Variants in TREX1 observed in about 807,000 individuals in gnomAD.
TREX1 encodes three-prime repair exonuclease 1.
TREX1 carries 11 observed loss-of-function variants against 13.7 expected under a neutral mutation model. The observed-to-expected ratio is 0.80, with a 90% confidence interval of 0.51 to 1.33. The LOEUF (loss-of-function observed/expected upper bound fraction) is 1.33. TREX1 is among the 40% of genes most tolerant of loss of function. TREX1 has a pLI of 0.00. For synonymous variants in TREX1, 178 were observed against 178.8 expected, an observed-to-expected ratio of 1.00 and a Z score of 0.03; for missense variants, 409 against 404.4, an observed-to-expected ratio of 1.01 and a Z score of -0.10.
intron 1 of TREX1, 125 bp downstream of exon 1, chr3:48,466,434 GA>G: frequency 6.2e-7 from 1 of 1,612,016 alleles, no homozygotes; most frequent in Non-Finnish European, 8.5e-7. Context: ...TCAGACAGTC[GA>G]ATGTGCTGGT....
chr3:48,466,565 C>T (rs745638804), intron 1 of TREX1, 65 bp from the exon 2 acceptor site: 8 of 1,613,844 alleles, frequency 5.0e-6, no homozygotes, highest in Admixed American at 3.3e-5. Flanking sequence ...CACCCCCTAC[C>T]CCACTCCCTC....
In TREX1 at chr3:48,466,764, C is replaced by T. The variant is rs762407345; in HGVS notation, c.109C>T (p.Leu37=). The change falls in exon 2 of 2, where the codon CTG becomes TTG. Residue 37 remains leucine (L), a synonymous_variant. Transcript: ENST00000625293. ...SQPKVTELCL[L]AVHRCALESP... ...GCCCAAGGTCACGGAGCTGTGCCTG[C>T]TGGCTGTCCACAGATGTGCCCTGGA... 1 of 1,614,000 alleles carries T rather than the reference C, an allele frequency of 6.2e-7. No homozygotes were observed. Among genetic ancestry groups the T allele is most frequent in the Non-Finnish European group, 8.5e-7 (1 of 1,180,040 alleles).
In TREX1 at chr3:48,466,872, C is replaced by A; in HGVS notation, c.217C>A (p.Pro73Thr). 2.5e-6 allele frequency: 4 copies of A among 1,613,414 alleles called. No homozygotes were observed. The highest frequency in any genetic ancestry group is 3.4e-6 in the Non-Finnish European group (4 of 1,180,016). ...VVDKLSLCVA[P>T]GKACSPAASE... ...AGACAAGCTCTCCCTGTGTGTGGCT[C>A]CGGGGAAGGCCTGCAGCCCTGCAGC... is the stretch of plus-strand genomic sequence containing the variant. Residue 73 changes from proline to threonine, a missense_variant, in exon 2 of 2, where the codon CCG (proline) becomes ACG (threonine). By Grantham distance (38) the Pro-to-Thr change is conservative. Transcript: ENST00000625293.
intron 1 of TREX1, 150 bp from the exon 2 acceptor site, chr3:48,466,479 TC>T: frequency 3.1e-6 from 5 of 1,613,892 alleles, no homozygotes; most frequent in Non-Finnish European, 4.2e-6. Flanking sequence ...CTCTCCAACT[TC>T]CTGCCTGAAA....
intron 1 of TREX1, 106 bp downstream of exon 1, chr3:48,466,415 G>C: frequency 6.2e-7 from 1 of 1,604,612 alleles, no homozygotes; most frequent in Non-Finnish European, 8.5e-7. Context: ...TGTGAAGAGG[G>C]AGACCCTCTC....
In TREX1 at chr3:48,466,665, C is replaced by A. The variant is rs2040319464; in HGVS notation, c.10C>A (p.Gln4Lys). 1.2e-6 allele frequency: 2 copies of A among 1,613,938 alleles called. No individual in the cohort carries two copies. Among genetic ancestry groups the A allele is most frequent in the African/African-American group, 2.7e-5 (2 of 74,904 alleles). ...AGGTACGTACCCAACCATGGGCTCG[C>A]AGGCCCTGCCCCCGGGGCCCATGCA... MGS[Q>K]ALPPGPMQTL... The change falls in exon 2 of 2, where the codon CAG becomes AAG. Residue 4 changes from glutamine to lysine, a missense_variant. Coordinates refer to ENST00000625293, the MANE Select transcript of TREX1 (RefSeq NM_033629.6).
chr3:48,466,985 C>T lies in TREX1; in HGVS notation c.330C>T (p.Ala110=), dbSNP rs2040342805. The change falls in exon 2 of 2, where the codon GCC becomes GCT. Residue 110 remains alanine (A), a synonymous_variant. Coordinates refer to ENST00000625293, the MANE Select transcript of TREX1 (RefSeq NM_033629.6). ...ACAACCTGGCCAACCTGCTCCTAGCCTTCCTGCGGCGCCAGCCACAGCCCT... is the reference window on the plus strand; with the variant it reads ...ACAACCTGGCCAACCTGCTCCTAGCTTTCCTGCGGCGCCAGCCACAGCCCT... ...FDDNLANLLL[A]FLRRQPQPWC... is the part of the protein sequence containing the mutation. 2 of 1,613,184 alleles carry T rather than the reference C, an allele frequency of 1.2e-6. No homozygotes were observed. The highest frequency in any genetic ancestry group is 1.7e-6 in the Non-Finnish European group (2 of 1,180,048).
At position 48,466,846 on chromosome 3, in the gene TREX1, T is replaced by C. The variant is rs763056226; in HGVS notation, c.191T>C (p.Val64Ala). The change falls in exon 2 of 2, where the codon GTA becomes GCA. Residue 64 changes from valine (V) to alanine (A), a missense_variant. By Grantham distance (64) the Val-to-Ala change is moderately conservative. Transcript: ENST00000625293. ...ACAGTTCCTCCACCACCGCGTGTGG[T>C]AGACAAGCTCTCCCTGTGTGTGGCT... is the stretch of plus-strand genomic sequence containing the variant. ...PPTVPPPPRVVDKLSLCVAPG... is the reference protein window; with the variant it reads ...PPTVPPPPRVADKLSLCVAPG... 5 of 1,613,874 alleles carry C rather than the reference T, an allele frequency of 3.1e-6. No individual in the cohort carries two copies. Among genetic ancestry groups the C allele is most frequent in the Non-Finnish European group, 4.2e-6 (5 of 1,180,022 alleles).
Position 48,466,290 on chromosome 3 carries a change from C to T in TREX1, c.-46C>T. 1.5e-6 allele frequency: 1 copy of T among 681,404 alleles called. No homozygotes were observed. The highest frequency in any genetic ancestry group is 2.6e-6 in the Non-Finnish European group (1 of 385,416). The allele number at this position is 681,404 out of a possible 1,614,324, so 42.2% of individuals were successfully genotyped here. A position where few individuals can be genotyped will look rare whatever the true frequency, so the allele number is the denominator to read the frequency against. On this transcript the variant is annotated 5_prime_UTR_variant, in exon 1 of 2. Coordinates refer to ENST00000625293, the MANE Select transcript of TREX1 (RefSeq NM_033629.6). ...GAGTGTGCAGCCGAGTCACTACTGC[C>T]TGCCTGCCTGCCTGCTACGGTGAGT... is the stretch of plus-strand genomic sequence containing the variant.
rs2107256761 is a variant in TREX1, at chr3:48,466,862, G to A, written c.207G>A (p.Leu69=). 1.2e-6 allele frequency: 2 copies of A among 1,613,730 alleles called. No individual in the cohort carries two copies. The highest frequency in any genetic ancestry group is 2.2e-5 in the South Asian group (2 of 91,078). The change falls in exon 2 of 2, where the codon CTG becomes CTA. Residue 69 remains leucine (L), a synonymous_variant. Transcript: ENST00000625293. ...PPPRVVDKLS[L]CVAPGKACSP... ...CGCGTGTGGTAGACAAGCTCTCCCT[G>A]TGTGTGGCTCCGGGGAAGGCCTGCA...
Position 48,466,612 on chromosome 3 carries a change from C to A in TREX1, c.-26-18C>A. The A allele has an allele frequency of 6.2e-7, 1 of 1,614,082 alleles. No homozygotes were observed. Among genetic ancestry groups the A allele is most frequent in the Middle Eastern group, 1.6e-4 (1 of 6,062 alleles). ...TTAACACTGGGCACTCACACACCCACCCCATGCTCCTCTCCAGGCTCAGCA... is the reference window on the plus strand; with the variant it reads ...TTAACACTGGGCACTCACACACCCAACCCATGCTCCTCTCCAGGCTCAGCA... On this transcript the variant is annotated intron_variant, in intron 1 of 1. Coordinates refer to ENST00000625293, the MANE Select transcript of TREX1 (RefSeq NM_033629.6).
rs748970378 is a variant in TREX1 at position 48,467,282 on chromosome 3, G to A, written c.627G>A (p.Gln209=). Residue 209 remains glutamine, a synonymous_variant, in exon 2 of 2, where the codon CAG becomes CAA. Transcript: ENST00000625293. ...GDVLALLSIC[Q]WRPQALLRWV... is the part of the protein sequence containing the mutation. ...TCCTGGCCCTGCTCAGCATCTGTCAGTGGAGACCACAGGCCCTGCTGCGGT... is the reference window on the plus strand; with the variant it reads ...TCCTGGCCCTGCTCAGCATCTGTCAATGGAGACCACAGGCCCTGCTGCGGT... 20 of 1,614,054 alleles carry A rather than the reference G, an allele frequency of 1.2e-5. No homozygotes were observed. The highest frequency in any genetic ancestry group is 2.7e-5 in the African/African-American group (2 of 74,940).
chr3:48,466,866 G>A lies in TREX1; in HGVS notation c.211G>A (p.Val71Met). The part of the protein sequence containing the change: ...PRVVDKLSLC[V>M]APGKACSPAA... ...TGTGGTAGACAAGCTCTCCCTGTGT[G>A]TGGCTCCGGGGAAGGCCTGCAGCCC... The change falls in exon 2 of 2, where the codon GTG becomes ATG. Residue 71 changes from valine (V) to methionine (M), a missense_variant. By Grantham distance (21) the Val-to-Met change is conservative. Coordinates refer to ENST00000625293, the MANE Select transcript of TREX1 (RefSeq NM_033629.6). 6.2e-7 allele frequency: 1 copy of A among 1,613,678 alleles called. No homozygotes were observed. Among genetic ancestry groups the A allele is most frequent in the Non-Finnish European group, 8.5e-7 (1 of 1,180,046 alleles).
At position 48,467,468 on chromosome 3, in the gene TREX1, G is replaced by A. The variant is rs780078867; in HGVS notation, c.813G>A (p.Lys271=). ...GCCTTGGAGAGAGCAGGGGTACCAA[G>A]GATCTTCCTCCAGTGAAGGACCCTG... is the stretch of plus-strand genomic sequence containing the variant. ...SPSLGESRGT[K]DLPPVKDPGA... The change falls in exon 2 of 2, where the codon AAG becomes AAA. Residue 271 remains lysine (K), a synonymous_variant. Coordinates refer to ENST00000625293, the MANE Select transcript of TREX1 (RefSeq NM_033629.6). The A allele has an allele frequency of 8.1e-6, 13 of 1,614,044 alleles. No individual in the cohort carries two copies. The highest frequency in any genetic ancestry group is 1.3e-5 in the African/African-American group (1 of 74,924).
In TREX1 at chr3:48,467,012, G is replaced by A. The variant is rs747399274; in HGVS notation, c.357G>A (p.Trp119Ter). The change falls in exon 2 of 2, where the codon TGG (tryptophan) becomes TGA (stop). Residue 119 changes from tryptophan (W) to a stop codon, truncating the protein, a stop_gained. Transcript: ENST00000625293. LOFTEE classifies it high-confidence loss of function. ...TCCTGCGGCGCCAGCCACAGCCCTG[G>A]TGCCTGGTGGCACACAATGGTGACC... is the stretch of plus-strand genomic sequence containing the variant. Reference protein sequence around the residue: ...LAFLRRQPQPWCLVAHNGDRY... With the variant: ...LAFLRRQPQP 3.7e-6 allele frequency: 6 copies of A among 1,613,770 alleles called. No individual in the cohort carries two copies. The highest frequency in any genetic ancestry group is 1.3e-5 in the African/African-American group (1 of 74,940).
Position 48,467,215 on chromosome 3 carries a change from A to G in TREX1, c.560A>G (p.Tyr187Cys). The G allele has an allele frequency of 1.2e-6, 2 of 1,613,992 alleles. No homozygotes were observed. Among genetic ancestry groups the G allele is most frequent in the South Asian group, 1.1e-5 (1 of 91,072 alleles). The change falls in exon 2 of 2, where the codon TAT becomes TGT. Residue 187 changes from tyrosine (Y) to cysteine (C), a missense_variant. Tyr to Cys is a radical substitution (Grantham distance 194). Transcript: ENST00000625293. Reference protein sequence around the residue: ...YSLGSIYTRLYGQSPPDSHTA... With the variant: ...YSLGSIYTRLCGQSPPDSHTA... ...CTAGGCAGCATCTACACTCGCCTGT[A>G]TGGGCAGTCCCCTCCAGACTCGCAC...
chr3:48,466,261 G>T lies in TREX1; in HGVS notation c.-75G>T. 1 of 619,526 alleles carries T rather than the reference G, an allele frequency of 1.6e-6. No homozygotes were observed. Among genetic ancestry groups the T allele is most frequent in the Non-Finnish European group, 2.9e-6 (1 of 348,228 alleles). 38.4% of individuals were successfully genotyped at this position (619,526 alleles called of 1,614,324 possible). On this transcript the variant is annotated 5_prime_UTR_variant, in exon 1 of 2. Coordinates refer to ENST00000625293, the MANE Select transcript of TREX1 (RefSeq NM_033629.6). Reference sequence around the variant, plus strand: ...CGCCACTGCTGCCAGCGAGAGCCGCGGGAGAGTGTGCAGCCGAGTCACTAC... The same window carrying T: ...CGCCACTGCTGCCAGCGAGAGCCGCTGGAGAGTGTGCAGCCGAGTCACTAC...
At chr3:48,466,223 A>G, upstream of TREX1, 1 of 577,822 alleles carries the variant, frequency 1.7e-6, no homozygotes, top group South Asian at 2.0e-5. Flanking sequence ...GGCCCACGCC[A>G]AGTTTCACTT....
rs781060789 is a variant in TREX1, at chr3:48,466,799, C to A, written c.144C>A (p.Pro48=). ...ACAGATGTGCCCTGGAGAGCCCCCC[C>A]ACCTCTCAGGGGCCACCTCCCACAG... ...AVHRCALESP[P]TSQGPPPTVP... is the part of the protein sequence containing the mutation. Residue 48 remains proline, a synonymous_variant, in exon 2 of 2, where the codon CCC becomes CCA. Coordinates refer to ENST00000625293, the MANE Select transcript of TREX1 (RefSeq NM_033629.6). 2.4e-5 allele frequency: 38 copies of A among 1,613,962 alleles called. No homozygotes were observed. Among genetic ancestry groups the A allele is most frequent in the African/African-American group, 1.2e-4 (9 of 75,042 alleles).
Sources: gnomAD v4.1 joint callset for allele counts on GRCh38, gnomAD v4.1.1 for gene constraint, MANE v1.5 for transcripts, NCBI Gene and HGNC (gene_info 2026-07-23, HGNC 2026-07-21) for gene names.